MCTP1: variants seen among roughly 807,000 people sequenced by gnomAD.
The protein encoded by MCTP1 is multiple C2 and transmembrane domain containing 1.
MCTP1 carries 69 observed loss-of-function variants against 120.6 expected under a neutral mutation model. The observed-to-expected ratio is 0.57, with a 90% CI of 0.47 to 0.70. The LOEUF is 0.70. MCTP1 is among the 30% of genes least tolerant of loss of function. The pLI is 0.00. For missense variants in MCTP1, 1,203 were observed against 1,248.8 expected (o/e 0.96, Z 0.55); for synonymous variants, 529 against 493.1 (o/e 1.07, Z -0.96).
chr5:95,008,496 C>A (rs373423786), intron 2 of MCTP1, among the ~76,000 whole-genome samples: 78 of 152,232 alleles, frequency 5.1e-4, no homozygotes, highest in African/African-American at 1.7e-3. Flanking sequence ...TTTTGGGAGA[C>A]TGGCTTTGTC....
At chr5:94,725,893 G>C (rs991336725) in intron 19 of MCTP1, among the ~76,000 whole-genome samples, 1 of 152,118 alleles carries the variant, frequency 6.6e-6, no homozygotes, top group Admixed American at 6.6e-5. Flanking sequence ...GTAAATATTA[G>C]TCGTTAATAT....
intron 1 of MCTP1, among the ~76,000 whole-genome samples, chr5:95,018,360 C>A (rs1177805034): frequency 2.0e-5 from 3 of 151,810 alleles, no homozygotes. Context: ...GTCCTTTTGT[C>A]TCAGAATATG....
At chr5:94,991,791 C>T (rs569801431) in intron 2 of MCTP1, among the ~76,000 whole-genome samples, 115 of 151,886 alleles carry the variant, frequency 7.6e-4, no homozygotes, top group African/African-American at 2.4e-3. Flanking sequence ...GCAGGAGAAT[C>T]GCTTGAACCC....
Position 95,017,133 on chromosome 5 carries a change from G to C in MCTP1, c.838+234C>G, listed in dbSNP as rs527390545. ...ATAGAGTCTAATTTGTCAGCAGTTT[G>C]ATAGGGACTTTGCTGTCTGGGTTGA... On this transcript the variant is annotated intron_variant, in intron 2 of 22. Transcript: ENST00000515393. Among the ~76,000 whole-genome samples the C allele has an allele frequency of 7.9e-5, 12 of 152,244 alleles. No homozygotes were observed. The East Asian group carries it at 2.3e-3, about 29-fold the overall frequency.
At chr5:95,120,072 G>T (rs1001320257) in intron 1 of MCTP1, among the ~76,000 whole-genome samples, 21 of 150,904 alleles carry the variant, frequency 1.4e-4, no homozygotes. Flanking sequence ...AGCTACTCAG[G>T]AGGCTGAGGC....
At chr5:95,101,149 G>A (rs1478807564) in intron 1 of MCTP1, among the ~76,000 whole-genome samples, 1 of 151,948 alleles carries the variant, frequency 6.6e-6, no homozygotes, top group Non-Finnish European at 1.5e-5. Flanking sequence ...TAAGACAAGG[G>A]GAGTTAGAGG....
At chr5:95,234,017 GAA>G (rs11325013) in intron 1 of MCTP1, among the ~76,000 whole-genome samples, 1 of 125,542 alleles carries the variant, frequency 8.0e-6, no homozygotes, top group Admixed American at 7.9e-5. Context: ...GATCAGAGAA[GAA>G]AAAAAAAAAA....
At chr5:94,723,708 G>C (rs1761443987) in intron 19 of MCTP1, among the ~76,000 whole-genome samples, 1 of 152,014 alleles carries the variant, frequency 6.6e-6, no homozygotes. Flanking sequence ...TACCTTGTTG[G>C]CTTAATCTTA....
intron 1 of MCTP1, among the ~76,000 whole-genome samples, chr5:95,178,618 G>C (rs1007887705): frequency 1.3e-5 from 2 of 152,142 alleles, no homozygotes; most frequent in Admixed American, 6.5e-5. Context: ...CATCCCTAGG[G>C]GAAGGGGGAG....
chr5:94,871,874 T>C (rs186218044), intron 13 of MCTP1, among the ~76,000 whole-genome samples: 6 of 152,184 alleles, frequency 3.9e-5, no homozygotes, highest in Non-Finnish European at 1.5e-5. Context: ...ATAGGACATC[T>C]CCTGTTTGTT....
intron 1 of MCTP1, among the ~76,000 whole-genome samples, chr5:95,219,943 C>G (rs951330381): frequency 6.6e-6 from 1 of 152,116 alleles, no homozygotes; most frequent in African/African-American, 2.4e-5. Context: ...CCTACAAATT[C>G]TTTTGGATGA....
At chr5:95,142,554 C>T (rs1760022543) in intron 1 of MCTP1, among the ~76,000 whole-genome samples, 1 of 152,082 alleles carries the variant, frequency 6.6e-6, no homozygotes, top group Admixed American at 6.5e-5. Context: ...TCATTATAGT[C>T]ACTGTGGATA....
intron 1 of MCTP1, among the ~76,000 whole-genome samples, chr5:95,051,537 G>C (rs1373041800): frequency 1.3e-5 from 2 of 152,142 alleles, no homozygotes; most frequent in African/African-American, 4.8e-5. Flanking sequence ...TAGGAAGTTT[G>C]ACCTCTCCAA....
chr5:95,093,766 T>C (rs940264552), intron 1 of MCTP1, among the ~76,000 whole-genome samples: 6 of 152,226 alleles, frequency 3.9e-5, no homozygotes, highest in Non-Finnish European at 7.3e-5. Flanking sequence ...ACTAAGTGCC[T>C]TCCCTCTGAA....
intron 2 of MCTP1, among the ~76,000 whole-genome samples, chr5:95,001,445 G>A (rs1833675932): frequency 6.6e-6 from 1 of 152,216 alleles, no homozygotes; most frequent in Admixed American, 6.5e-5. Flanking sequence ...CAGAAGACAG[G>A]AAGATGAGGA....
intron 1 of MCTP1, among the ~76,000 whole-genome samples, chr5:95,065,659 T>A (rs748867391): frequency 1.3e-5 from 2 of 152,198 alleles, no homozygotes; most frequent in Admixed American, 6.5e-5. Context: ...TGGTAAAGCA[T>A]TAAAAGCTTT....
intron 3 of MCTP1, among the ~76,000 whole-genome samples, chr5:94,943,502 A>G (rs1818219332): frequency 6.6e-6 from 1 of 152,082 alleles, no homozygotes; most frequent in African/African-American, 2.4e-5. Flanking sequence ...GAACTGGCTA[A>G]CTTCCATCCA....
chr5:94,928,209 A>AACACACACACAC (rs60502360), intron 6 of MCTP1, among the ~76,000 whole-genome samples: 6,509 of 148,444 alleles, frequency 0.044, 184 homozygotes, highest in African/African-American at 0.086. Flanking sequence ...TCTAGGTTAA[A>AACACACACACAC]ACACACACAC....
intron 1 of MCTP1, among the ~76,000 whole-genome samples, chr5:95,213,401 G>A (rs1279044427): frequency 6.6e-6 from 1 of 152,174 alleles, no homozygotes; most frequent in East Asian, 1.9e-4. Context: ...ATGCTCATGG[G>A]TAGGAAGAAT....
Sources: allele counts gnomAD v4.1 joint callset (sites outside exome capture counted in the v4.1 genomes callset), GRCh38; gene constraint gnomAD v4.1.1; transcripts MANE v1.5; gene names NCBI Gene and HGNC (gene_info 2026-07-23, HGNC 2026-07-21).